CTNNA2: variants seen among roughly 807,000 people sequenced by gnomAD.
The protein encoded by CTNNA2 is catenin alpha 2, also known as catenin alpha-2.
CTNNA2 carries 42 observed loss-of-function variants against 101.0 expected under a neutral mutation model. The observed-to-expected ratio is 0.42, with a 90% CI of 0.32 to 0.54. The LOEUF is 0.54. Among genes scored for constraint, CTNNA2 ranks in the 20% least tolerant of loss-of-function variants. CTNNA2 has a pLI of 0.14. For missense variants in CTNNA2, 871 were observed against 1,223.1 expected (o/e 0.71, Z 4.29); for synonymous variants, 450 against 456.4 (o/e 0.99, Z 0.18).
intron 18 of CTNNA2, among the ~76,000 whole-genome samples, chr2:80,640,086 C>A (rs950966419): frequency 6.6e-6 from 1 of 150,726 alleles, no homozygotes; most frequent in African/African-American, 2.4e-5. Flanking sequence ...TGGGTGACAG[C>A]GAGATAACAT....
chr2:79,987,375 G>A (rs1454905239), intron 7 of CTNNA2, among the ~76,000 whole-genome samples: 1 of 152,134 alleles, frequency 6.6e-6, no homozygotes, highest in East Asian at 1.9e-4. Context: ...CAGACATTTT[G>A]GAGGTTTTGA....
intron 7 of CTNNA2, among the ~76,000 whole-genome samples, chr2:80,257,274 A>G (rs921611634): frequency 2.0e-4 from 31 of 151,804 alleles, no homozygotes; most frequent in African/African-American, 6.3e-4. Context: ...AATATATAGT[A>G]TATAATCATT....
chr2:80,620,140 T>A (rs1670957444), intron 18 of CTNNA2, among the ~76,000 whole-genome samples: 1 of 151,834 alleles, frequency 6.6e-6, no homozygotes, highest in Non-Finnish European at 1.5e-5. Flanking sequence ...GTGGGTGTTC[T>A]TAGAAGGGTT....
At chr2:79,956,374 G>A (rs1574404261) in intron 7 of CTNNA2, among the ~76,000 whole-genome samples, 1 of 152,102 alleles carries the variant, frequency 6.6e-6, no homozygotes, top group East Asian at 1.9e-4. Context: ...TAATACCTTA[G>A]GACAATATTT....
intron 7 of CTNNA2, among the ~76,000 whole-genome samples, chr2:79,950,018 A>G (rs1688770657): frequency 6.6e-6 from 1 of 152,196 alleles, no homozygotes; most frequent in South Asian, 2.1e-4. Flanking sequence ...GAAAATGTAC[A>G]TGGAAAAGAA....
chr2:79,868,435 G>T, intron 4 of CTNNA2, among the ~76,000 whole-genome samples: 1 of 152,168 alleles, frequency 6.6e-6, no homozygotes, highest in East Asian at 1.9e-4. Context: ...TGGGACAAAA[G>T]GCTTGATGAT....
intron 8 of CTNNA2, among the ~76,000 whole-genome samples, chr2:80,418,661 A>C (rs1680246310): frequency 6.6e-6 from 1 of 152,208 alleles, no homozygotes; most frequent in Non-Finnish European, 1.5e-5. Context: ...TTTGGAAAAC[A>C]TGCAGAGTGT....
chr2:80,293,695 G>C (rs13005455), intron 7 of CTNNA2, among the ~76,000 whole-genome samples: 1 of 152,062 alleles, frequency 6.6e-6, no homozygotes, highest in Non-Finnish European at 1.5e-5. Context: ...CCCCGGAGTA[G>C]AATTATCACC....
chr2:80,082,045 G>A (rs1179246767), intron 7 of CTNNA2, among the ~76,000 whole-genome samples: 1 of 152,100 alleles, frequency 6.6e-6, no homozygotes, highest in Non-Finnish European at 1.5e-5. Context: ...GAGGACCTAA[G>A]TGTAGGAATT....
At chr2:80,630,317 T>C (rs982003605) in intron 18 of CTNNA2, among the ~76,000 whole-genome samples, 10 of 152,230 alleles carry the variant, frequency 6.6e-5, no homozygotes, top group African/African-American at 1.9e-4. Flanking sequence ...CCTTTTCATA[T>C]GTCATTACAT....
Position 80,216,580 on chromosome 2 carries a change from T to G in CTNNA2, c.1057-176631T>G, listed in dbSNP as rs536192794. ...TAAGAAGAAGCCATAGAGCTAGCTA[T>G]CTCTCTTTTTACCATGTGAGGATAC... On this transcript the variant is annotated intron_variant, in intron 7 of 18. Transcript: ENST00000402739. Among the ~76,000 whole-genome samples, 7 of 152,246 alleles carry G rather than the reference T, an allele frequency of 4.6e-5. No homozygotes were observed. The South Asian group carries it at 1.2e-3, about 27-fold the overall frequency.
chr2:80,289,189 G>T (rs2149174649), intron 7 of CTNNA2: 1 of 152,238 alleles, frequency 6.6e-6, no homozygotes, highest in East Asian at 1.9e-4. Flanking sequence ...TGAATCTGTT[G>T]ACAGAACTGG....
chr2:79,603,163 A>T (rs1289318429), intron 1 of CTNNA2, among the ~76,000 whole-genome samples: 2 of 152,178 alleles, frequency 1.3e-5, no homozygotes, highest in Non-Finnish European at 2.9e-5. Context: ...AAGATAGAAA[A>T]GTTACTGAGT....
chr2:79,903,608 A>T (rs544821562), intron 6 of CTNNA2, among the ~76,000 whole-genome samples: 1 of 152,110 alleles, frequency 6.6e-6, no homozygotes, highest in African/African-American at 2.4e-5. Flanking sequence ...ATGTATAAGG[A>T]GGAATTGCCT....
chr2:80,427,239 G>GATC (rs1681075883), intron 9 of CTNNA2, among the ~76,000 whole-genome samples: 1 of 152,198 alleles, frequency 6.6e-6, no homozygotes, highest in African/African-American at 2.4e-5. Flanking sequence ...TCACCTTGGA[G>GATC]ATCAGCAGTA....
At chr2:80,360,855 C>T (rs1216525357) in intron 7 of CTNNA2, among the ~76,000 whole-genome samples, 1 of 152,004 alleles carries the variant, frequency 6.6e-6, no homozygotes, top group African/African-American at 2.4e-5. Context: ...TCGCTCTAAA[C>T]CACTAACTTG....
chr2:80,490,828 G>T lies in CTNNA2; in HGVS notation c.1291-54154G>T, dbSNP rs1000520510. Among the ~76,000 whole-genome samples, 5 of 152,036 alleles carry T rather than the reference G, an allele frequency of 3.3e-5. No individual in the cohort carries two copies. The East Asian group carries it at 9.6e-4, about 29-fold the overall frequency. On this transcript the variant is annotated intron_variant, in intron 9 of 18. Transcript: ENST00000402739. ...AGTGAGCACTACATCTTTGTGTTAT[G>T]CCCTCTCCCCAAATTCCAATACTAG...
At chr2:79,461,185 T>C (rs1291198808) in intron 4 of CTNNA2, among the ~76,000 whole-genome samples, 2 of 152,190 alleles carry the variant, frequency 1.3e-5, no homozygotes, top group Admixed American at 6.5e-5. Flanking sequence ...TGAGCAAAAA[T>C]GGCTTTGAAA....
intron 3 of CTNNA2, among the ~76,000 whole-genome samples, chr2:79,335,750 G>T (rs1367575133): frequency 6.6e-6 from 1 of 152,168 alleles, no homozygotes; most frequent in Non-Finnish European, 1.5e-5. Flanking sequence ...GTTCATGAAA[G>T]CTAAGATTTA....
Sources: allele counts gnomAD v4.1 joint callset (sites outside exome capture counted in the v4.1 genomes callset), GRCh38; gene constraint gnomAD v4.1.1; transcripts MANE v1.5; gene names NCBI Gene and HGNC (gene_info 2026-07-23, HGNC 2026-07-21).